Variants in HDAC4 observed in about 807,000 individuals in gnomAD.
The protein encoded by HDAC4 is histone deacetylase 4, also known as histone deacetylase A.
A neutral mutation model predicts 135.1 loss-of-function variants in HDAC4; 16 were observed. That is an observed-to-expected ratio of 0.12 (90% CI 0.08 to 0.18). The LOEUF (loss-of-function observed/expected upper bound fraction) is 0.18. Ranked by LOEUF, HDAC4 falls within the 10% of genes least tolerant of loss-of-function variation. The pLI is 1.00. For missense variants in HDAC4, 1,143 were observed against 1,511.8 expected (o/e 0.76, Z 4.05); for synonymous variants, 685 against 653.4 (o/e 1.05, Z -0.74).
intron 4 of HDAC4, among the ~76,000 whole-genome samples, chr2:239,181,596 T>C (rs2044155316): frequency 6.6e-6 from 1 of 152,242 alleles, no homozygotes; most frequent in African/African-American, 2.4e-5. Flanking sequence ...GCTCTTGCCG[T>C]GTCCTTCATC....
intron 16 of HDAC4, among the ~76,000 whole-genome samples, chr2:239,098,553 T>C (rs2037326363): frequency 1.3e-5 from 2 of 152,262 alleles, no homozygotes. Flanking sequence ...ATGAGCCACG[T>C]GACTTTCAGT....
chr2:239,107,799 G>A (rs2152783397), intron 15 of HDAC4, among the ~76,000 whole-genome samples: 1 of 152,278 alleles, frequency 6.6e-6, no homozygotes, highest in South Asian at 2.1e-4. Flanking sequence ...CGAAACATCA[G>A]GAAAGGTCAC....
intron 3 of HDAC4, among the ~76,000 whole-genome samples, chr2:239,203,432 T>C (rs914019266): frequency 6.6e-6 from 1 of 152,202 alleles, no homozygotes; most frequent in Non-Finnish European, 1.5e-5. Context: ...AGAAGGCTCA[T>C]TGGAAAATAC....
intron 1 of HDAC4, among the ~76,000 whole-genome samples, chr2:239,377,953 G>C (rs1695138697): frequency 6.6e-6 from 1 of 152,118 alleles, no homozygotes. Flanking sequence ...AATTTTCCCT[G>C]AAATAGGAGT....
At chr2:239,175,369 C>T (rs776847646) in intron 5 of HDAC4, among the ~76,000 whole-genome samples, 21 of 152,248 alleles carry the variant, frequency 1.4e-4, no homozygotes, top group African/African-American at 3.6e-4. Context: ...ACACTGGCGA[C>T]GCTGGGCACC....
chr2:239,055,270 G>A (rs1419256826), intron 24 of HDAC4: 1 of 252,040 alleles, frequency 4.0e-6, no homozygotes, highest in Non-Finnish European at 7.9e-6. Context: ...GGTGGGGTCG[G>A]GGGAGATGAA....
chr2:239,126,131 G>A (rs1042331369), intron 12 of HDAC4, among the ~76,000 whole-genome samples: 2 of 152,248 alleles, frequency 1.3e-5, no homozygotes, highest in Admixed American at 1.3e-4. Flanking sequence ...CAGGCAGGAC[G>A]TGGTCCAGTG....
At chr2:239,165,178 G>A (rs2043048571) in intron 5 of HDAC4, among the ~76,000 whole-genome samples, 1 of 152,110 alleles carries the variant, frequency 6.6e-6, no homozygotes, top group South Asian at 2.1e-4. Context: ...AACCAAGACT[G>A]TGCCACTGCA....
chr2:239,386,979 G>A (rs1211393544), intron 1 of HDAC4, among the ~76,000 whole-genome samples: 1 of 152,268 alleles, frequency 6.6e-6, no homozygotes, highest in Non-Finnish European at 1.5e-5. Flanking sequence ...AATCACGCCA[G>A]AGGAGCCAGA....
rs1217184329 is a variant in HDAC4, at chr2:239,352,073, G to A, written c.22+605C>T. ...GACATGCTTCTGAAGCTCAGAGCAG[G>A]ACAAGCTTGCTTCCCAATCATGTGG... On this transcript the variant is annotated intron_variant, in intron 2 of 26. Coordinates refer to ENST00000543185, the MANE Select transcript of HDAC4 (RefSeq NM_001378414.1). This position sits in a 1 kb window ranked among gnomAD's most constrained non-coding sequence, Gnocchi z 4.4. Among the ~76,000 whole-genome samples, 2 of 152,288 alleles carry A rather than the reference G, an allele frequency of 1.3e-5. No individual in the cohort carries two copies. The highest frequency in any genetic ancestry group is 3.9e-4 in the East Asian group (2 of 5,178).
chr2:239,275,288 G>A lies in HDAC4; in HGVS notation c.23-38624C>T, dbSNP rs892812042. ...GCTGGAGCCAGGCTGCCGGCAAAGC[G>A]CTGCTCACTGCCGCTTTCTTCACAT... On this transcript the variant is annotated intron_variant, in intron 2 of 26. Coordinates refer to ENST00000543185, the MANE Select transcript of HDAC4 (RefSeq NM_001378414.1). 4.6e-5 allele frequency among the ~76,000 whole-genome samples: 7 copies of A among 152,354 alleles called. No homozygotes were observed. The East Asian group carries it at 9.7e-4, about 21-fold the overall frequency.
intron 12 of HDAC4, among the ~76,000 whole-genome samples, chr2:239,125,691 T>C (rs1203938132): frequency 6.6e-6 from 1 of 152,256 alleles, no homozygotes; most frequent in African/African-American, 2.4e-5. Context: ...AGATGCTCTA[T>C]GTCAAATGCC....
chr2:239,345,127 C>G (rs532613499), intron 2 of HDAC4, among the ~76,000 whole-genome samples: 1 of 152,308 alleles, frequency 6.6e-6, no homozygotes, highest in African/African-American at 2.4e-5. Context: ...TTCTCATTAC[C>G]TCCCGCCACC....
intron 2 of HDAC4, among the ~76,000 whole-genome samples, chr2:239,253,363 T>C (rs62188582): frequency 0.02 from 3,067 of 152,328 alleles, 57 homozygotes; most frequent in Non-Finnish European, 0.029. Flanking sequence ...TGTATGCTGT[T>C]ATGACCGATG....
At chr2:239,108,494 TGAG>T (rs1398077851) in intron 14 of HDAC4, among the ~76,000 whole-genome samples, 2 of 152,020 alleles carry the variant, frequency 1.3e-5, no homozygotes, top group Non-Finnish European at 2.9e-5. Context: ...AAAACAGTGA[TGAG>T]GAGGTCTGCC....
upstream of HDAC4, chr2:239,401,622 C>G: frequency 4.0e-6 from 1 of 250,706 alleles, no homozygotes; most frequent in South Asian, 3.7e-5. Context: ...GGCCAGGCCT[C>G]GCCGCGGCGT....
intron 12 of HDAC4, among the ~76,000 whole-genome samples, chr2:239,124,531 C>G (rs985925615): frequency 6.6e-6 from 1 of 151,948 alleles, no homozygotes; most frequent in Non-Finnish European, 1.5e-5. Context: ...GGCGTGCCGG[C>G]GTGTGGCCGT....
At chr2:239,274,752 T>C (rs888506085) in intron 2 of HDAC4, among the ~76,000 whole-genome samples, 4 of 152,030 alleles carry the variant, frequency 2.6e-5, no homozygotes, top group Non-Finnish European at 5.9e-5. Flanking sequence ...GCAAGCCTCA[T>C]CCCCAAAGCT....
intron 1 of HDAC4, among the ~76,000 whole-genome samples, chr2:239,374,425 A>G: frequency 2.9e-5 from 2 of 69,146 alleles, no homozygotes; most frequent in African/African-American, 6.0e-5. Flanking sequence ...TTTTTTTGAG[A>G]CGGAGTCTCG....
Sources: gnomAD v4.1 joint callset for allele counts (sites outside exome capture counted in the v4.1 genomes callset) on GRCh38, gnomAD v4.1.1 for gene constraint, Gnocchi (gnomAD v3.1) non-coding constraint, MANE v1.5 for transcripts, NCBI Gene and HGNC (gene_info 2026-07-23, HGNC 2026-07-21) for gene names.